The following CCDC85A variants were observed in gnomAD, a reference collection of about 807,000 sequenced individuals.
The protein encoded by CCDC85A is coiled-coil domain containing 85A, also known as coiled-coil domain-containing protein 85A.
Under a neutral mutation model 50.2 loss-of-function variants are expected in CCDC85A, and 38 were observed. The ratio of observed to expected loss-of-function variants is 0.76; its 90% CI spans 0.58 to 0.99. CCDC85A has a LOEUF of 0.99. CCDC85A is among the 50% of genes least tolerant of loss of function. The pLI is 0.00. For synonymous variants in CCDC85A, 366 were observed against 301.4 expected (o/e 1.21, Z -2.22); for missense variants, 820 against 742.0 (o/e 1.11, Z -1.22).
intron 2 of CCDC85A, among the ~76,000 whole-genome samples, chr2:56,229,716 G>A (rs768243052): frequency 3.8e-4 from 57 of 151,968 alleles, no homozygotes; most frequent in Non-Finnish European, 6.6e-4. Context: ...CAAAACAGCC[G>A]GATCTATATG....
chr2:56,202,702 T>A (rs1676795019), intron 2 of CCDC85A, among the ~76,000 whole-genome samples: 1 of 152,260 alleles, frequency 6.6e-6, no homozygotes, highest in Non-Finnish European at 1.5e-5. Context: ...CTTACATTCC[T>A]CTTTTGATGA....
intron 2 of CCDC85A, among the ~76,000 whole-genome samples, chr2:56,204,980 A>C (rs1160778988): frequency 6.6e-6 from 1 of 152,184 alleles, no homozygotes; most frequent in Non-Finnish European, 1.5e-5. Flanking sequence ...ATCTGTGGAT[A>C]GTAGCTTTCT....
At chr2:56,209,863 A>C (rs1677114288) in intron 2 of CCDC85A, among the ~76,000 whole-genome samples, 1 of 151,990 alleles carries the variant, frequency 6.6e-6, no homozygotes, top group African/African-American at 2.4e-5. Context: ...TAGGTCATAG[A>C]TTCCAGGCAT....
Position 56,321,845 on chromosome 2 carries a change from A to T in CCDC85A, c.1241-21034A>T, listed in dbSNP as rs561892082. Among the ~76,000 whole-genome samples the T allele has an allele frequency of 1.6e-4, 25 of 152,354 alleles. No homozygotes were observed. The South Asian group carries it at 5.0e-3, about 30-fold the overall frequency. On this transcript the variant is annotated intron_variant, in intron 2 of 5. Transcript: ENST00000407595. ...AGCCCGCATTGCCAAGATAATCCTA[A>T]GCCAAAAGAACAAAGCTGGAGGCAT...
intron 2 of CCDC85A, among the ~76,000 whole-genome samples, chr2:56,251,075 T>C (rs1412047371): frequency 6.6e-6 from 1 of 152,218 alleles, no homozygotes; most frequent in Non-Finnish European, 1.5e-5. Flanking sequence ...GTGTTGTCTG[T>C]GCTGTATGTT....
intron 2 of CCDC85A, among the ~76,000 whole-genome samples, chr2:56,253,019 A>AAAATAAATAAATAAATAAAT (rs3032186): frequency 6.7e-6 from 1 of 150,242 alleles, no homozygotes; most frequent in African/African-American, 2.4e-5. Flanking sequence ...ACTCCATCTC[A>AAAATAAATAAATAAATAAAT]AAATAAATAA....
In CCDC85A at chr2:56,195,950, A is replaced by T. The variant is rs964505817; in HGVS notation, c.1240+2510A>T. 2.6e-5 allele frequency among the ~76,000 whole-genome samples: 4 copies of T among 152,310 alleles called. No homozygotes were observed. In the East Asian group the frequency reaches 7.7e-4, roughly 29 times the overall value. ...CTGTAAAGATATGCATTCCCTCCCAAAACACACACATATGCACACTGAGAG... is the reference window on the plus strand; with the variant it reads ...CTGTAAAGATATGCATTCCCTCCCATAACACACACATATGCACACTGAGAG... On this transcript the variant is annotated intron_variant, in intron 2 of 5. Transcript: ENST00000407595.
chr2:56,276,628 C>CTGTGGAA (rs1437732673), intron 2 of CCDC85A, among the ~76,000 whole-genome samples: 1 of 152,142 alleles, frequency 6.6e-6, no homozygotes, highest in Non-Finnish European at 1.5e-5. Flanking sequence ...GATTGTGAGG[C>CTGTGGAA]CTCCCCAGCC....
At chr2:56,380,629 A>AAAAAT (rs1553420864) in intron 5 of CCDC85A, among the ~76,000 whole-genome samples, 202 of 151,676 alleles carry the variant, frequency 1.3e-3, no homozygotes, top group African/African-American at 4.4e-3. Flanking sequence ...CCACAGTAAA[A>AAAAAT]AAATAAATAA....
chr2:56,228,269 T>C (rs1006176144), intron 2 of CCDC85A, among the ~76,000 whole-genome samples: 14 of 152,036 alleles, frequency 9.2e-5, no homozygotes, highest in African/African-American at 3.1e-4. Flanking sequence ...ACATGGCACA[T>C]GTATACATAT....
chr2:56,327,752 C>G (rs1013169388), intron 2 of CCDC85A, among the ~76,000 whole-genome samples: 3 of 147,808 alleles, frequency 2.0e-5, no homozygotes, highest in African/African-American at 7.5e-5. Flanking sequence ...AGTTTTGTCT[C>G]TCCTTGATAT....
At chr2:56,243,101 C>T (rs532124100) in intron 2 of CCDC85A, among the ~76,000 whole-genome samples, 2 of 151,942 alleles carry the variant, frequency 1.3e-5, no homozygotes, top group South Asian at 4.2e-4. Flanking sequence ...TATTAAATGC[C>T]TTGAAGTAAT....
chr2:56,280,193 G>A (rs1223471928), intron 2 of CCDC85A, among the ~76,000 whole-genome samples: 2 of 152,108 alleles, frequency 1.3e-5, no homozygotes, highest in Non-Finnish European at 2.9e-5. Flanking sequence ...ATGCACTTGT[G>A]CTGGCCTAGC....
At chr2:56,280,274 C>T (rs1325475569) in intron 2 of CCDC85A, among the ~76,000 whole-genome samples, 1 of 152,140 alleles carries the variant, frequency 6.6e-6, no homozygotes, top group East Asian at 1.9e-4. Context: ...TTTTGCAGCT[C>T]AGCTAGAGTC....
chr2:56,199,899 T>C (rs1366954431), intron 2 of CCDC85A, among the ~76,000 whole-genome samples: 1 of 152,234 alleles, frequency 6.6e-6, no homozygotes, highest in Non-Finnish European at 1.5e-5. Context: ...AGATGGAGTC[T>C]CGCTCTGTTG....
At chr2:56,316,649 G>T (rs1358207141) in intron 2 of CCDC85A, among the ~76,000 whole-genome samples, 1 of 151,996 alleles carries the variant, frequency 6.6e-6, no homozygotes, top group Admixed American at 6.6e-5. Context: ...ACTATTGTAA[G>T]GATAAAGCAA....
chr2:56,283,985 T>C (rs1482830460), intron 2 of CCDC85A, among the ~76,000 whole-genome samples: 1 of 152,112 alleles, frequency 6.6e-6, no homozygotes, highest in Non-Finnish European at 1.5e-5. Flanking sequence ...TTTAAACCTT[T>C]TATCTTTTCT....
At chr2:56,223,608 A>G (rs879625935) in intron 2 of CCDC85A, among the ~76,000 whole-genome samples, 1 of 152,212 alleles carries the variant, frequency 6.6e-6, no homozygotes, top group Non-Finnish European at 1.5e-5. Context: ...GTCAAAGAAG[A>G]CAAACATTTC....
chr2:56,361,271 T>A (rs111567162), intron 3 of CCDC85A, among the ~76,000 whole-genome samples: 36,106 of 140,008 alleles, frequency 0.26, 4,997 homozygotes, highest in African/African-American at 0.4. Context: ...AAAAAAAAAA[T>A]AGGGAATAGA....
Sources: gnomAD v4.1 joint callset for allele counts (sites outside exome capture counted in the v4.1 genomes callset) on GRCh38, gnomAD v4.1.1 for gene constraint, MANE v1.5 for transcripts, NCBI Gene and HGNC (gene_info 2026-07-23, HGNC 2026-07-21) for gene names.